The following ST6GAL2 variants were observed in gnomAD, a reference collection of about 807,000 sequenced individuals.
ST6GAL2 encodes beta-galactoside alpha-2,6-sialyltransferase 2.
ST6GAL2 carries 24 observed loss-of-function variants against 37.5 expected under a neutral mutation model. The ratio of observed to expected loss-of-function variants is 0.64; its 90% CI spans 0.46 to 0.90. ST6GAL2 has a LOEUF of 0.90. Among genes scored for constraint, ST6GAL2 ranks in the 40% least tolerant of loss-of-function variants. The pLI is 0.00. For synonymous variants in ST6GAL2, 306 were observed against 295.1 expected (o/e 1.04, Z -0.38); for missense variants, 715 against 712.7 (o/e 1.00, Z -0.04).
chr2:106,857,896 C>A (rs760594278), intron 1 of ST6GAL2, among the ~76,000 whole-genome samples: 7 of 152,156 alleles, frequency 4.6e-5, no homozygotes, highest in Non-Finnish European at 8.8e-5. Context: ...CAGGTGTTTT[C>A]TCTCCAGTCT....
chr2:106,814,047 T>TAAAA (rs1434394888), intron 5 of ST6GAL2, among the ~76,000 whole-genome samples: 1 of 152,194 alleles, frequency 6.6e-6, no homozygotes, highest in Non-Finnish European at 1.5e-5. Flanking sequence ...TATTTGTAAC[T>TAAAA]AAAAGATGGT....
At chr2:106,825,933 C>T (rs150835850) in intron 5 of ST6GAL2, among the ~76,000 whole-genome samples, 67 of 152,282 alleles carry the variant, frequency 4.4e-4, no homozygotes, top group African/African-American at 1.5e-3. Flanking sequence ...GATTCAGGCG[C>T]CAGTAACAAG....
chr2:106,851,074 G>T (rs1447917898), intron 1 of ST6GAL2, among the ~76,000 whole-genome samples: 1 of 152,196 alleles, frequency 6.6e-6, no homozygotes, highest in Admixed American at 6.5e-5. Context: ...ACTCATACTG[G>T]ATTGGGTGTG....
chr2:106,814,043 T>C (rs1675708381), intron 5 of ST6GAL2, among the ~76,000 whole-genome samples: 1 of 152,198 alleles, frequency 6.6e-6, no homozygotes, highest in Non-Finnish European at 1.5e-5. Context: ...AAAATATTTG[T>C]AACTAAAAGA....
chr2:106,849,321 C>T (rs1282546193), intron 1 of ST6GAL2, among the ~76,000 whole-genome samples: 1 of 152,012 alleles, frequency 6.6e-6, no homozygotes, highest in Non-Finnish European at 1.5e-5. Flanking sequence ...GGAGGTCAGA[C>T]AGGCCTCCAT....
At chr2:106,847,492 T>C (rs1345277851) in intron 1 of ST6GAL2, among the ~76,000 whole-genome samples, 1 of 152,216 alleles carries the variant, frequency 6.6e-6, no homozygotes, top group Non-Finnish European at 1.5e-5. Flanking sequence ...TACTGGGAGT[T>C]AGTGTAGACC....
intron 1 of ST6GAL2, among the ~76,000 whole-genome samples, chr2:106,862,102 T>C (rs1447701458): frequency 6.6e-6 from 1 of 152,202 alleles, no homozygotes; most frequent in Non-Finnish European, 1.5e-5. Flanking sequence ...AAACATCTCT[T>C]GAAGCCACAC....
At chr2:106,846,635 G>T (rs1383063519) in intron 1 of ST6GAL2, among the ~76,000 whole-genome samples, 3 of 152,196 alleles carry the variant, frequency 2.0e-5, no homozygotes, top group Non-Finnish European at 4.4e-5. Flanking sequence ...TCGCTTACAT[G>T]TATAAATTGT....
intron 4 of ST6GAL2, among the ~76,000 whole-genome samples, chr2:106,831,265 C>T (rs1676410472): frequency 2.0e-5 from 3 of 152,230 alleles, no homozygotes; most frequent in Admixed American, 2.0e-4. Context: ...CTTTACCCTC[C>T]CTCCTCTTGG....
rs771815273 is a variant in ST6GAL2 at position 106,843,957 on chromosome 2, T to C, written c.21A>G (p.Gln7=). The C allele has an allele frequency of 6.3e-7, 1 of 1,584,484 alleles. No individual in the cohort carries two copies. The highest frequency in any genetic ancestry group is 8.6e-7 in the Non-Finnish European group (1 of 1,168,538). Reference sequence around the variant, plus strand: ...TTCCGAAAAGCATTCGTTGTCTCCATTGCTTCAAGTGTGGTTTCATGGCAG... The same window carrying C: ...TTCCGAAAAGCATTCGTTGTCTCCACTGCTTCAAGTGTGGTTTCATGGCAG... MKPHLK[Q]WRQRMLFGIF... Residue 7 remains glutamine, a synonymous_variant, in exon 2 of 6, where the codon CAA becomes CAG. Coordinates refer to ENST00000409382, the MANE Select transcript of ST6GAL2 (RefSeq NM_001142351.2).
At chr2:106,808,300 G>GA (rs748506267) in intron 5 of ST6GAL2, among the ~76,000 whole-genome samples, 1 of 152,192 alleles carries the variant, frequency 6.6e-6, no homozygotes, top group Non-Finnish European at 1.5e-5. Context: ...AAGGAAACAG[G>GA]AGAGGGGATA....
chr2:106,840,995 T>G (rs1676857991), intron 2 of ST6GAL2, among the ~76,000 whole-genome samples: 1 of 152,210 alleles, frequency 6.6e-6, no homozygotes, highest in African/African-American at 2.4e-5. Flanking sequence ...AACCACTGCT[T>G]CTTCTTAATA....
At chr2:106,842,911 G>A (rs1453023418) in intron 2 of ST6GAL2, 124 bp downstream of exon 2, 8 of 593,864 alleles carry the variant, frequency 1.3e-5, no homozygotes, top group Middle Eastern at 5.1e-4. Flanking sequence ...CTAATATTAG[G>A]AACACCTGGT....
rs1425070594 is a variant in ST6GAL2, at chr2:106,884,934, T to TATATATATATATATACAC, written c.-58+1158_-58+1159insGTGTATATATATATATAT. Among the ~76,000 whole-genome samples the TATATATATATATATACAC allele has an allele frequency of 1.3e-3, 154 of 120,412 alleles. 2 individuals carry two copies. Among genetic ancestry groups the TATATATATATATATACAC allele is most frequent in the African/African-American group, 2.6e-3 (74 of 28,138 alleles). 79.0% of individuals were successfully genotyped at this position (120,412 alleles called of 152,430 possible). A position where few individuals can be genotyped will look rare whatever the true frequency, so the allele number is the denominator to read the frequency against. On this transcript the variant is annotated intron_variant, in intron 1 of 5. Transcript: ENST00000409382. ...ATATATATATATATATATATATATA[T>TATATATATATATATACAC]ACATACACACACACACATATATACA... is the stretch of plus-strand genomic sequence containing the variant.
At chr2:106,878,221 TG>T (rs1553428607) in intron 1 of ST6GAL2, among the ~76,000 whole-genome samples, 3 of 152,206 alleles carry the variant, frequency 2.0e-5, no homozygotes, top group Non-Finnish European at 4.4e-5. Context: ...CCCAGCACTT[TG>T]GGGGTTGAGG....
chr2:106,860,731 C>T (rs991284383), intron 1 of ST6GAL2, among the ~76,000 whole-genome samples: 3 of 152,122 alleles, frequency 2.0e-5, no homozygotes, highest in South Asian at 2.1e-4. Flanking sequence ...GTTTTTATCA[C>T]GTCTAATTAC....
intron 5 of ST6GAL2, among the ~76,000 whole-genome samples, chr2:106,814,490 CAAA>C (rs60883353): frequency 7.5e-6 from 1 of 133,710 alleles, no homozygotes. Flanking sequence ...TGTTTGCGTT[CAAA>C]AAAAAAAAAA....
At chr2:106,813,104 T>C (rs1436029510) in intron 5 of ST6GAL2, 1 of 1,256,550 alleles carries the variant, frequency 8.0e-7, no homozygotes, top group Admixed American at 4.2e-5. Flanking sequence ...TTAAGTTTCT[T>C]ATATGGCCAG....
At chr2:106,813,308 G>T in intron 5 of ST6GAL2, 1 of 933,858 alleles carries the variant, frequency 1.1e-6, no homozygotes, top group Non-Finnish European at 1.4e-6. Context: ...TTGCTGAACT[G>T]TATGCTTTTA....
Sources: gnomAD v4.1 joint callset for allele counts (sites outside exome capture counted in the v4.1 genomes callset) on GRCh38, gnomAD v4.1.1 for gene constraint, MANE v1.5 for transcripts, NCBI Gene and HGNC (gene_info 2026-07-23, HGNC 2026-07-21) for gene names.